ANAPC16: variants seen among roughly 807,000 people sequenced by gnomAD.
ANAPC16 encodes the protein anaphase-promoting complex subunit 16.
In ANAPC16, 6 loss-of-function variants were observed where a neutral mutation model predicts 13.1. That is an observed-to-expected ratio of 0.46 (90% CI 0.25 to 0.90). ANAPC16 has a LOEUF of 0.90. ANAPC16 is among the 40% of genes least tolerant of loss of function. ANAPC16 has a pLI of 0.18. For missense variants in ANAPC16, 113 were observed against 131.1 expected (o/e 0.86, Z 0.67); for synonymous variants, 55 against 51.3 (o/e 1.07, Z -0.31).
chr10:72,216,217 T>C (rs1219923991), intron 1 of ANAPC16, 79 bp downstream of exon 1: 1 of 155,524 alleles, frequency 6.4e-6, no homozygotes, highest in African/African-American at 2.4e-5. Context: ...CTGCAGGGAC[T>C]AGAAAAATGG....
At chr10:72,222,628 T>G (rs765904262) in intron 1 of ANAPC16, among the ~76,000 whole-genome samples, 1 of 151,506 alleles carries the variant, frequency 6.6e-6, no homozygotes, top group Non-Finnish European at 1.5e-5. Context: ...AATACAAAAA[T>G]TAGCTGGGCA....
chr10:72,228,388 A>G (rs1323963050), intron 2 of ANAPC16, among the ~76,000 whole-genome samples: 1 of 152,224 alleles, frequency 6.6e-6, no homozygotes, highest in African/African-American at 2.4e-5. Context: ...TAGCCACTGA[A>G]GTATAAATTA....
At chr10:72,218,144 T>A (rs1388166789) in intron 1 of ANAPC16, among the ~76,000 whole-genome samples, 1 of 40,816 alleles carries the variant, frequency 2.5e-5, no homozygotes. Flanking sequence ...AAACTCTGTC[T>A]CAAAAAAAAA....
At chr10:72,225,729 G>A (rs978069278) in intron 2 of ANAPC16, among the ~76,000 whole-genome samples, 2 of 151,922 alleles carry the variant, frequency 1.3e-5, no homozygotes, top group African/African-American at 2.4e-5. Context: ...GTGAAACCCC[G>A]TCTCTACTAA....
chr10:72,229,911 T>G (rs1860243267), intron 2 of ANAPC16, among the ~76,000 whole-genome samples: 2 of 152,230 alleles, frequency 1.3e-5, no homozygotes, highest in African/African-American at 4.8e-5. Flanking sequence ...TTTGATATAT[T>G]AAAAATCAAC....
intron 1 of ANAPC16, among the ~76,000 whole-genome samples, chr10:72,219,313 T>G (rs1369087021): frequency 6.6e-6 from 1 of 152,216 alleles, no homozygotes; most frequent in African/African-American, 2.4e-5. Flanking sequence ...CAGGCTGTAT[T>G]TTGACCCAGT....
Position 72,224,003 on chromosome 10 carries a change from C to A in ANAPC16, c.89C>A (p.Pro30Gln), listed in dbSNP as rs779985832. Residue 30 changes from proline (P) to glutamine (Q), a missense_variant, in exon 2 of 4, where the codon CCA (proline) becomes CAA (glutamine). By Grantham distance (76) the Pro-to-Gln change is moderately conservative. Transcript: ENST00000299381. The part of the protein sequence containing the change: ...GSGFSVSDLA[P>Q]PRKALFTYPK... ...GGTTTCAGTGTCTCAGACCTTGCCC[C>A]ACCACGGAAAGCCCTTTTCACCTAC... The A allele has an allele frequency of 6.2e-7, 1 of 1,611,978 alleles. No individual in the cohort carries two copies. The highest frequency in any genetic ancestry group is 8.5e-7 in the Non-Finnish European group (1 of 1,178,320).
intron 1 of ANAPC16, chr10:72,217,175 C>A (rs1322332977): frequency 9.9e-6 from 4 of 404,588 alleles, no homozygotes; most frequent in Non-Finnish European, 2.0e-5. Flanking sequence ...GATCATTGAA[C>A]CTTAAAATGA....
At position 72,218,145 on chromosome 10, in the gene ANAPC16, CAAA is replaced by C. The variant is rs142932037; in HGVS notation, c.-28+2026_-28+2028del. On this transcript the variant is annotated intron_variant, in intron 1 of 3. Transcript: ENST00000299381. Reference sequence around the variant, plus strand: ...GGGCAACAAGAGTGAAACTCTGTCTCAAAAAAAAAAAAAAAAAAAAATATATAT... The same window carrying C: ...GGGCAACAAGAGTGAAACTCTGTCTCAAAAAAAAAAAAAAAAAATATATAT... 5.2e-3 allele frequency among the ~76,000 whole-genome samples: 181 copies of C among 34,856 alleles called. 1 individual carries two copies. Among genetic ancestry groups the C allele is most frequent in the African/African-American group, 8.6e-3 (36 of 4,210 alleles). The allele number at this position is 34,856 out of a possible 152,430, so 22.9% of individuals were successfully genotyped here.
intron 3 of ANAPC16, among the ~76,000 whole-genome samples, chr10:72,231,057 A>G (rs1158595934): frequency 6.6e-6 from 1 of 152,146 alleles, no homozygotes; most frequent in African/African-American, 2.4e-5. Flanking sequence ...TAACATCCTG[A>G]TAACACTTTT....
intron 1 of ANAPC16, among the ~76,000 whole-genome samples, chr10:72,219,854 A>G (rs1478207471): frequency 6.6e-6 from 1 of 152,238 alleles, no homozygotes; most frequent in Non-Finnish European, 1.5e-5. Flanking sequence ...TGTTACTTAT[A>G]GACATGTAAT....
chr10:72,220,771 G>A (rs994372666), intron 1 of ANAPC16: 1 of 148,194 alleles, frequency 6.7e-6, no homozygotes, highest in Non-Finnish European at 1.5e-5. Context: ...AGGTGAAGTG[G>A]TGTTTACAGT....
chr10:72,233,904 G>T lies in ANAPC16; in HGVS notation c.*788G>T, dbSNP rs189068751. 1 of 152,408 alleles carries T rather than the reference G, an allele frequency of 6.6e-6. No individual in the cohort carries two copies. Among genetic ancestry groups the T allele is most frequent in the East Asian group, 1.9e-4 (1 of 5,190 alleles). 9.4% of individuals were successfully genotyped at this position (152,408 alleles called of 1,614,324 possible). ...AGGTCAAATTACTTTTTAGAAGAAG[G>T]GAATCTAAAAACCATCTCTCCTAAA... On this transcript the variant is annotated 3_prime_UTR_variant, in exon 4 of 4. Coordinates refer to ENST00000299381, the MANE Select transcript of ANAPC16 (RefSeq NM_173473.4).
rs1432559456 is a variant in ANAPC16 at position 72,234,042 on chromosome 10, T to C, written c.*926T>C. 1.3e-5 allele frequency: 2 copies of C among 152,086 alleles called. No homozygotes were observed. The highest frequency in any genetic ancestry group is 4.8e-5 in the African/African-American group (2 of 41,384). The allele number at this position is 152,086 out of a possible 1,614,324, so 9.4% of individuals were successfully genotyped here. A position where few individuals can be genotyped will look rare whatever the true frequency, so the allele number is the denominator to read the frequency against. On this transcript the variant is annotated 3_prime_UTR_variant, in exon 4 of 4. Transcript: ENST00000299381. ...TTTTTTTGAGACGAAGTTTTGCTCT[T>C]GTTGCCCAGGCTGTATCGCAATGGC...
At chr10:72,222,867 G>A (rs1210550756) in intron 1 of ANAPC16, among the ~76,000 whole-genome samples, 1 of 152,272 alleles carries the variant, frequency 6.6e-6, no homozygotes, top group East Asian at 1.9e-4. Context: ...CAAAGGGAGG[G>A]TTTTGTTTTG....
chr10:72,225,394 C>T (rs182487288), intron 2 of ANAPC16, among the ~76,000 whole-genome samples: 2 of 152,192 alleles, frequency 1.3e-5, no homozygotes, highest in Admixed American at 6.5e-5. Flanking sequence ...CATCCAGGCC[C>T]TTCTCATGAA....
intron 1 of ANAPC16, chr10:72,223,661 A>C: frequency 3.0e-6 from 1 of 332,624 alleles, no homozygotes; most frequent in Non-Finnish European, 5.4e-6. Context: ...TAATGGTAGG[A>C]ATTCATGTTT....
chr10:72,231,624 G>A (rs1441922997), intron 3 of ANAPC16, among the ~76,000 whole-genome samples: 5 of 152,012 alleles, frequency 3.3e-5, no homozygotes, highest in Admixed American at 6.6e-5. Flanking sequence ...TGGCATGATC[G>A]CGGCTCACTG....
At chr10:72,222,773 G>A (rs1313031603) in intron 1 of ANAPC16, among the ~76,000 whole-genome samples, 10 of 152,152 alleles carry the variant, frequency 6.6e-5, no homozygotes, top group Non-Finnish European at 1.0e-4. Context: ...GCGAGACTCC[G>A]TCTCAAAAAA....
Sources: gnomAD v4.1 joint callset for allele counts (sites outside exome capture counted in the v4.1 genomes callset) on GRCh38, gnomAD v4.1.1 for gene constraint, MANE v1.5 for transcripts, NCBI Gene and HGNC (gene_info 2026-07-23, HGNC 2026-07-21) for gene names.